The following PRKN variants were observed in gnomAD, a reference collection of about 807,000 sequenced individuals.
PRKN encodes parkin RBR E3 ubiquitin protein ligase, also known as E3 ubiquitin-protein ligase parkin.
PRKN carries 56 observed loss-of-function variants against 59.5 expected under a neutral mutation model. The ratio of observed to expected loss-of-function variants is 0.94; its 90% CI spans 0.76 to 1.18. PRKN has a LOEUF of 1.18. Ranked by LOEUF, PRKN falls within the 50% of genes most tolerant of loss-of-function variation. PRKN has a pLI of 0.00. For synonymous variants in PRKN, 250 were observed against 222.1 expected (o/e 1.13, Z -1.12); for missense variants, 657 against 596.4 (o/e 1.10, Z -1.06).
At chr6:162,666,704 C>G (rs989710459) in intron 1 of PRKN, among the ~76,000 whole-genome samples, 1 of 152,014 alleles carries the variant, frequency 6.6e-6, no homozygotes, top group East Asian at 1.9e-4. Flanking sequence ...AAATAGAACA[C>G]TCATTTTTAG....
intron 5 of PRKN, among the ~76,000 whole-genome samples, chr6:162,045,676 G>A (rs1784222613): frequency 6.6e-6 from 1 of 152,218 alleles, no homozygotes; most frequent in South Asian, 2.1e-4. Flanking sequence ...GAGTAAGACA[G>A]ATGATAGCTC....
intron 1 of PRKN, among the ~76,000 whole-genome samples, chr6:162,632,445 G>A (rs964598416): frequency 6.6e-6 from 1 of 152,090 alleles, no homozygotes; most frequent in Non-Finnish European, 1.5e-5. Context: ...TTATAAGTGG[G>A]AACTAAACAT....
At chr6:161,364,922 C>G (rs1785133265) in intron 10 of PRKN, among the ~76,000 whole-genome samples, 1 of 138,330 alleles carries the variant, frequency 7.2e-6, no homozygotes, top group Admixed American at 7.1e-5. Context: ...CGGAGTGAGA[C>G]TTTGTCTCAA....
chr6:162,465,398 T>C (rs567480028), intron 1 of PRKN, among the ~76,000 whole-genome samples: 3 of 152,336 alleles, frequency 2.0e-5, no homozygotes, highest in African/African-American at 7.2e-5. Context: ...TTATGAGAGA[T>C]GCACAACACT....
intron 7 of PRKN, among the ~76,000 whole-genome samples, chr6:161,703,340 C>T (rs1786333570): frequency 2.0e-5 from 3 of 151,986 alleles, no homozygotes; most frequent in African/African-American, 7.3e-5. Context: ...GACATTTTGC[C>T]AAAGGAGATA....
At position 161,545,506 on chromosome 6, in the gene PRKN, T is replaced by A; in HGVS notation, c.1083+3348A>T. 1 of 1,130,016 alleles carries A rather than the reference T, an allele frequency of 8.8e-7. No individual in the cohort carries two copies. The highest frequency in any genetic ancestry group is 1.3e-6 in the Non-Finnish European group (1 of 746,868). The allele number at this position is 1,130,016 out of a possible 1,614,324, so 70.0% of individuals were successfully genotyped here. On this transcript the variant is annotated intron_variant, in intron 9 of 11. Coordinates refer to ENST00000366898, the MANE Select transcript of PRKN (RefSeq NM_004562.3). The surrounding 1 kb of genome is among the most constrained non-coding windows in gnomAD (Gnocchi z 4.1). Reference sequence around the variant, plus strand: ...TTTATGTATTTGGCCATGTTCTACTTCTGAAATGACATAATCTAACCACAA... The same window carrying A: ...TTTATGTATTTGGCCATGTTCTACTACTGAAATGACATAATCTAACCACAA...
chr6:161,510,237 A>G (rs1408752851), intron 9 of PRKN, among the ~76,000 whole-genome samples: 1 of 152,258 alleles, frequency 6.6e-6, no homozygotes, highest in Non-Finnish European at 1.5e-5. Context: ...AAATGACACA[A>G]ATTTGTGGAG....
intron 7 of PRKN, among the ~76,000 whole-genome samples, chr6:161,618,935 C>T (rs1000818870): frequency 2.6e-5 from 4 of 152,256 alleles, no homozygotes; most frequent in Middle Eastern, 3.4e-3. Context: ...AAGCTGACTT[C>T]GCATTCATCT....
intron 2 of PRKN, among the ~76,000 whole-genome samples, chr6:162,389,107 G>A: frequency 6.6e-6 from 1 of 151,172 alleles, no homozygotes; most frequent in South Asian, 2.1e-4. Flanking sequence ...ATCACTTCTT[G>A]TTTTGAATGG....
intron 1 of PRKN, among the ~76,000 whole-genome samples, chr6:162,513,496 G>A (rs1049350202): frequency 9.2e-6 from 1 of 109,166 alleles, no homozygotes; most frequent in Non-Finnish European, 2.0e-5. Flanking sequence ...AGAAAAGAGG[G>A]AAAGAAAGAG....
In PRKN at chr6:161,532,428, TGTGTGTGTGA is replaced by T. The variant is rs1265400413; in HGVS notation, c.1083+16416_1083+16425del. ...TGAGTGTGGGTGTATGTATGTAGTG[TGTGTGTGTGA>T]GTGTGTGTGTCTGAGTCTGGACCCA... On this transcript the variant is annotated intron_variant, in intron 9 of 11. Coordinates refer to ENST00000366898, the MANE Select transcript of PRKN (RefSeq NM_004562.3). Among the ~76,000 whole-genome samples the T allele has an allele frequency of 7.2e-5, 11 of 152,012 alleles. No homozygotes were observed. The South Asian group carries it at 2.1e-3, about 29-fold the overall frequency.
intron 6 of PRKN, among the ~76,000 whole-genome samples, chr6:161,954,887 C>T (rs556690265): frequency 2.0e-5 from 3 of 152,210 alleles, no homozygotes; most frequent in African/African-American, 7.2e-5. Context: ...ATTGGCTCAG[C>T]CAGTTTTTCT....
At chr6:161,837,396 C>T (rs1792802894) in intron 6 of PRKN, among the ~76,000 whole-genome samples, 1 of 152,258 alleles carries the variant, frequency 6.6e-6, no homozygotes, top group East Asian at 1.9e-4. Context: ...AAATTCAGTT[C>T]ACTTACAGTG....
At chr6:162,343,656 C>T (rs1368990974) in intron 2 of PRKN, among the ~76,000 whole-genome samples, 1 of 152,002 alleles carries the variant, frequency 6.6e-6, no homozygotes, top group Non-Finnish European at 1.5e-5. Flanking sequence ...AAGTATAAGG[C>T]ACAAGTTGTT....
intron 1 of PRKN, among the ~76,000 whole-genome samples, chr6:162,488,392 A>G (rs1050804725): frequency 4.6e-5 from 7 of 152,290 alleles, no homozygotes; most frequent in African/African-American, 1.7e-4. Context: ...GTGTGGATGC[A>G]TGGTCTCCAC....
At chr6:162,597,697 C>T (rs1393313917) in intron 1 of PRKN, among the ~76,000 whole-genome samples, 2 of 152,160 alleles carry the variant, frequency 1.3e-5, no homozygotes, top group Admixed American at 1.3e-4. Context: ...TTATCATATA[C>T]AATTTTACTC....
intron 9 of PRKN, among the ~76,000 whole-genome samples, chr6:161,474,663 C>T (rs1199351475): frequency 2.0e-5 from 3 of 151,456 alleles, no homozygotes; most frequent in Admixed American, 2.0e-4. Flanking sequence ...GGTGTGATCT[C>T]GGCTCACTGC....
rs1211866260 is a variant in PRKN, at chr6:161,487,191, T to C, written c.1083+61663A>G. Among the ~76,000 whole-genome samples the C allele has an allele frequency of 6.6e-6, 1 of 152,202 alleles. No individual in the cohort carries two copies. Among genetic ancestry groups the C allele is most frequent in the Non-Finnish European group, 1.5e-5 (1 of 68,028 alleles). On this transcript the variant is annotated intron_variant, in intron 9 of 11. Transcript: ENST00000366898. The surrounding 1 kb of genome is among the most constrained non-coding windows in gnomAD (Gnocchi z 5.3). ...TGGATCATGTTTAATCCAAAAGCAA[T>C]TCTGAGTGAAGTCCTATCCCTCAAC...
At chr6:162,409,827 A>G (rs1406328881) in intron 2 of PRKN, among the ~76,000 whole-genome samples, 1 of 152,224 alleles carries the variant, frequency 6.6e-6, no homozygotes, top group Non-Finnish European at 1.5e-5. Flanking sequence ...TTTAAAATCA[A>G]TCCCACAGCA....
Sources: gnomAD v4.1 joint callset for allele counts (sites outside exome capture counted in the v4.1 genomes callset) on GRCh38, gnomAD v4.1.1 for gene constraint, Gnocchi (gnomAD v3.1) non-coding constraint, MANE v1.5 for transcripts, NCBI Gene and HGNC (gene_info 2026-07-23, HGNC 2026-07-21) for gene names.